MAPK6: variants seen among roughly 807,000 people sequenced by gnomAD.
The protein encoded by MAPK6 is ERK-3.
Under a neutral mutation model 59.3 loss-of-function variants are expected in MAPK6, and 19 were observed. That is an observed-to-expected ratio of 0.32 (90% CI 0.22 to 0.47). The LOEUF (loss-of-function observed/expected upper bound fraction) is 0.47. MAPK6 is among the 20% of genes least tolerant of loss of function. The probability of loss-of-function intolerance (pLI) is 1.00; values close to 1 mark genes in which losing one functional copy is unlikely to be tolerated. For synonymous variants in MAPK6, 316 were observed against 290.3 expected (o/e 1.09, Z -0.90); for missense variants, 724 against 847.9 (o/e 0.85, Z 1.81).
chr15:51,987,331 C>A (rs75842991), intron 2 of MAPK6, among the ~76,000 whole-genome samples: 68 of 152,304 alleles, frequency 4.5e-4, no homozygotes, highest in African/African-American at 1.5e-3. Flanking sequence ...TCAGGCTGGG[C>A]ACTGTGGCTC....
At chr15:52,040,963 A>G (rs1248722419) in intron 1 of MAPK6, among the ~76,000 whole-genome samples, 1 of 152,202 alleles carries the variant, frequency 6.6e-6, no homozygotes, top group African/African-American at 2.4e-5. Context: ...ACAAAACAAT[A>G]TCGAACCAGC....
At position 52,001,772 on chromosome 15, in the gene MAPK6, G is replaced by C. The variant is rs1239426615; in HGVS notation, c.-769-2493G>C. Reference sequence around the variant, plus strand: ...GATCTGCCCACCTCAGCCTCCCAAAGTGGTGGGATTATAGGCGTGATCCGC... The same window carrying C: ...GATCTGCCCACCTCAGCCTCCCAAACTGGTGGGATTATAGGCGTGATCCGC... On this transcript the variant is annotated intron_variant, in intron 2 of 7. Transcript: ENST00000691380. 2.6e-5 allele frequency among the ~76,000 whole-genome samples: 4 copies of C among 152,106 alleles called. No individual in the cohort carries two copies. In the East Asian group the frequency reaches 7.7e-4, roughly 29 times the overall value.
chr15:52,059,806 G>T (rs2032126777), intron 4 of MAPK6, among the ~76,000 whole-genome samples: 2 of 152,154 alleles, frequency 1.3e-5, no homozygotes, highest in African/African-American at 4.8e-5. Context: ...CAGAGTGGAT[G>T]GAGTTTCTGA....
Position 52,063,943 on chromosome 15 carries a change from A to AT in MAPK6, c.1110dup (p.Asn371Ter). ...TTTTCAGAGCATGATTGGCCTGTAC[A>AT]TAACAACTTTGATATTGATGAAGTT... is the stretch of plus-strand genomic sequence containing the variant. On this transcript the variant is annotated frameshift_variant, in exon 6 of 6. Transcript: ENST00000261845. LOFTEE classifies it high-confidence loss of function. The AT allele has an allele frequency of 6.3e-7, 1 of 1,597,884 alleles. No individual in the cohort carries two copies. The highest frequency in any genetic ancestry group is 8.5e-7 in the Non-Finnish European group (1 of 1,172,160).
chr15:52,022,626 T>G (rs1595977165), intron 1 of MAPK6, among the ~76,000 whole-genome samples: 1 of 152,118 alleles, frequency 6.6e-6, no homozygotes, highest in Non-Finnish European at 1.5e-5. Flanking sequence ...TTGCATGATT[T>G]ATACCTAGAG....
intron 2 of MAPK6, among the ~76,000 whole-genome samples, chr15:51,998,976 C>T (rs1386951494): frequency 3.4e-5 from 5 of 148,550 alleles, no homozygotes; most frequent in Admixed American, 1.4e-4. Flanking sequence ...AGGCAGGAGC[C>T]ACCGCGCCCG....
At chr15:51,971,859 C>T (rs551267569) in exon 1 of MAPK6, 38 of 1,124,286 alleles carry the variant, frequency 3.4e-5, no homozygotes, top group Non-Finnish European at 3.7e-5. Context: ...CACTCCTTTC[C>T]TTACGTGACC....
At chr15:51,986,279 C>G (rs1566893991) in intron 2 of MAPK6, among the ~76,000 whole-genome samples, 1 of 152,156 alleles carries the variant, frequency 6.6e-6, no homozygotes, top group East Asian at 1.9e-4. Flanking sequence ...CAGGTCCCCG[C>G]CAACATTGGG....
chr15:52,000,575 A>G (rs1469880871), intron 2 of MAPK6, among the ~76,000 whole-genome samples: 1 of 152,172 alleles, frequency 6.6e-6, no homozygotes, highest in Non-Finnish European at 1.5e-5. Context: ...TGGGAGGCTG[A>G]GGCAGGCAGA....
chr15:52,039,537 A>C (rs1325399490), intron 1 of MAPK6, among the ~76,000 whole-genome samples: 1 of 128,784 alleles, frequency 7.8e-6, no homozygotes, highest in South Asian at 2.4e-4. Context: ...TTTTTTGAAG[A>C]CAGGGTCTCA....
chr15:51,978,730 T>C (rs981810416), intron 1 of MAPK6, among the ~76,000 whole-genome samples: 2 of 151,640 alleles, frequency 1.3e-5, no homozygotes, highest in Non-Finnish European at 2.9e-5. Flanking sequence ...GATTTCAGAA[T>C]TTTGAAAAAG....
At position 52,066,857 on chromosome 15, in the gene MAPK6, A is replaced by G. The variant is rs953189441; in HGVS notation, c.*1857A>G. On this transcript the variant is annotated 3_prime_UTR_variant, in exon 6 of 6. Coordinates refer to ENST00000261845, the MANE Select transcript of MAPK6 (RefSeq NM_002748.4). ...CACGTTATTAATTTAAACATACTCA[A>G]ATTACCTTAAGAGGACAAGCTCTGA... The G allele has an allele frequency of 1.3e-5, 2 of 151,690 alleles. No individual in the cohort carries two copies. The highest frequency in any genetic ancestry group is 2.9e-5 in the Non-Finnish European group (2 of 67,980). 9.4% of individuals were successfully genotyped at this position (151,690 alleles called of 1,614,324 possible). A position where few individuals can be genotyped will look rare whatever the true frequency, so the allele number is the denominator to read the frequency against.
intron 2 of MAPK6, among the ~76,000 whole-genome samples, chr15:51,996,241 C>T (rs1186985037): frequency 4.6e-5 from 7 of 152,204 alleles, no homozygotes; most frequent in Admixed American, 3.3e-4. Context: ...CTTCTAATGA[C>T]CAGGGTCAAT....
chr15:52,029,098 C>T (rs918683799), intron 1 of MAPK6, among the ~76,000 whole-genome samples: 4 of 152,154 alleles, frequency 2.6e-5, no homozygotes, highest in African/African-American at 4.8e-5. Flanking sequence ...AGTGCAGTGG[C>T]GCAATATTGG....
intron 4 of MAPK6, 89 bp downstream of exon 4, chr15:52,058,886 A>G (rs1296064989): frequency 1.8e-6 from 2 of 1,122,720 alleles, no homozygotes; most frequent in South Asian, 2.0e-5. Context: ...ATCCTTAGAT[A>G]TGGGGCTTTC....
At chr15:52,034,262 G>A (rs2031155975) in intron 1 of MAPK6, among the ~76,000 whole-genome samples, 1 of 152,006 alleles carries the variant, frequency 6.6e-6, no homozygotes, top group Non-Finnish European at 1.5e-5. Flanking sequence ...TGGGATTATA[G>A]GCGTGAGCCA....
In MAPK6 at chr15:52,058,698, C is replaced by T. The variant is rs1049605; in HGVS notation, c.766C>T (p.Arg256Cys). The T allele has an allele frequency of 3.1e-6, 5 of 1,613,290 alleles. No individual in the cohort carries two copies. The highest frequency in any genetic ancestry group is 4.2e-6 in the Non-Finnish European group (5 of 1,179,574). ...ESIPVVHEED[R>C]QELLSVIPVY... The stretch of plus-strand genomic sequence containing the variant: ...TATTCCTGTTGTACATGAGGAAGAT[C>T]GTCAGGAGCTTCTCAGCGTAATTCC... Residue 256 changes from arginine to cysteine, a missense_variant, in exon 4 of 6, where the codon CGT becomes TGT. By Grantham distance (180) the Arg-to-Cys change is radical. Around this residue, in one of 4 missense-constraint regions of MAPK6, gnomAD observed 105 missense variants for 191.9 expected, o/e 0.55. Coordinates refer to ENST00000261845, the MANE Select transcript of MAPK6 (RefSeq NM_002748.4).
rs544725848 is a variant in MAPK6, at chr15:52,061,445, G to A, written c.1012G>A (p.Val338Ile). 27 of 1,613,888 alleles carry A rather than the reference G, an allele frequency of 1.7e-5. 1 individual carries two copies. The South Asian group carries it at 2.7e-4, about 16-fold the overall frequency. Residue 338 changes from valine (V) to isoleucine (I), a missense_variant, in exon 5 of 6, where the codon GTT (valine) becomes ATT (isoleucine). By Grantham distance (29) the Val-to-Ile change is conservative (BLOSUM62 3). Transcript: ENST00000261845. ...CCATCCTTTTCATATTGAAGATGAAGTTGATGATATTTTGCTTATGGATGA... is the reference window on the plus strand; with the variant it reads ...CCATCCTTTTCATATTGAAGATGAAATTGATGATATTTTGCTTATGGATGA... ...SSHPFHIEDE[V>I]DDILLMDETH... is the part of the protein sequence containing the mutation.
intron 1 of MAPK6, among the ~76,000 whole-genome samples, chr15:52,023,569 C>T (rs542522147): frequency 3.3e-5 from 5 of 152,160 alleles, no homozygotes; most frequent in African/African-American, 1.2e-4. Context: ...CCATGAACTG[C>T]GTATTTGGAA....
Sources: allele counts gnomAD v4.1 joint callset (sites outside exome capture counted in the v4.1 genomes callset), GRCh38; gene constraint gnomAD v4.1.1; regional missense constraint gnomAD v4.1.1; transcripts MANE v1.5; gene names NCBI Gene and HGNC (gene_info 2026-07-23, HGNC 2026-07-21).